FHIP1A: variants seen among roughly 807,000 people sequenced by gnomAD.
FHIP1A encodes FHF complex subunit HOOK interacting protein 1A, also known as FHF complex subunit HOOK-interacting protein 1A.
A neutral mutation model predicts 88.6 loss-of-function variants in FHIP1A; 61 were observed. The observed-to-expected ratio is 0.69, with a 90% CI of 0.56 to 0.85. The LOEUF is 0.85. Ranked by LOEUF, FHIP1A falls within the 40% of genes least tolerant of loss-of-function variation. The pLI is 0.00. For missense variants in FHIP1A, 1,154 were observed against 1,273.5 expected (o/e 0.91, Z 1.43); for synonymous variants, 478 against 496.0 (o/e 0.96, Z 0.48).
chr4:151,648,105 T>C (rs1736864809), intron 10 of FHIP1A, among the ~76,000 whole-genome samples: 1 of 152,170 alleles, frequency 6.6e-6, no homozygotes, highest in African/African-American at 2.4e-5. Flanking sequence ...GCCAGAGTAA[T>C]TACTGTCCGG....
intron 3 of FHIP1A, among the ~76,000 whole-genome samples, chr4:151,538,275 A>G (rs1283169446): frequency 6.6e-6 from 1 of 152,238 alleles, no homozygotes; most frequent in African/African-American, 2.4e-5. Flanking sequence ...TTGTAGAATG[A>G]GGATAATAAT....
At chr4:151,531,121 T>C (rs991667246) in intron 3 of FHIP1A, among the ~76,000 whole-genome samples, 1 of 152,088 alleles carries the variant, frequency 6.6e-6, no homozygotes, top group Non-Finnish European at 1.5e-5. Context: ...ATAATTATCA[T>C]GCTTCTAATG....
At chr4:151,454,081 T>C (rs1201760356) in intron 1 of FHIP1A, among the ~76,000 whole-genome samples, 1 of 152,182 alleles carries the variant, frequency 6.6e-6, no homozygotes, top group Non-Finnish European at 1.5e-5. Flanking sequence ...GGAATGTACA[T>C]AATATACATT....
At chr4:151,526,346 G>A (rs1477241299) in intron 3 of FHIP1A, among the ~76,000 whole-genome samples, 2 of 151,472 alleles carry the variant, frequency 1.3e-5, no homozygotes, top group Non-Finnish European at 2.9e-5. Flanking sequence ...GGGCAGAGGC[G>A]CCCCTCACCT....
chr4:151,545,279 C>T (rs1259284687), intron 3 of FHIP1A, among the ~76,000 whole-genome samples: 2 of 150,756 alleles, frequency 1.3e-5, no homozygotes, highest in East Asian at 1.9e-4. Context: ...CTAGTAGTTT[C>T]AAGGCAGAAC....
At chr4:151,526,856 C>T (rs1419417620) in intron 3 of FHIP1A, among the ~76,000 whole-genome samples, 31 of 150,000 alleles carry the variant, frequency 2.1e-4, no homozygotes, top group East Asian at 2.0e-4. Flanking sequence ...ATGGGGCGGC[C>T]GGGCAGAGAC....
intron 6 of FHIP1A, among the ~76,000 whole-genome samples, chr4:151,588,007 A>G (rs1469512375): frequency 2.0e-5 from 3 of 151,984 alleles, no homozygotes; most frequent in Non-Finnish European, 4.4e-5. Context: ...TTTTTACTTT[A>G]TTGTTTGACT....
chr4:151,602,081 C>T (rs1734894634), intron 7 of FHIP1A, among the ~76,000 whole-genome samples: 1 of 152,082 alleles, frequency 6.6e-6, no homozygotes, highest in Non-Finnish European at 1.5e-5. Flanking sequence ...TCATTTACCT[C>T]CCACTGTGTC....
At chr4:151,602,542 C>T (rs1335241472) in intron 7 of FHIP1A, among the ~76,000 whole-genome samples, 5 of 152,122 alleles carry the variant, frequency 3.3e-5, no homozygotes, top group East Asian at 1.9e-4. Context: ...GACATTGTGC[C>T]GAACCTTGAA....
At chr4:151,426,983 T>C (rs926302651) in intron 1 of FHIP1A, among the ~76,000 whole-genome samples, 1 of 152,134 alleles carries the variant, frequency 6.6e-6, no homozygotes, top group African/African-American at 2.4e-5. Context: ...AAAGAGCTAT[T>C]GTGTTATATC....
intron 2 of FHIP1A, among the ~76,000 whole-genome samples, chr4:151,481,637 G>A (rs1729899646): frequency 6.6e-6 from 1 of 151,992 alleles, no homozygotes; most frequent in African/African-American, 2.4e-5. Flanking sequence ...TACTCCATAG[G>A]CAGAGCAGCC....
chr4:151,460,301 TGG>T (rs1420746998), intron 2 of FHIP1A, among the ~76,000 whole-genome samples: 1 of 152,162 alleles, frequency 6.6e-6, no homozygotes, highest in Non-Finnish European at 1.5e-5. Context: ...TTATTTCCCA[TGG>T]CTGGACAAAA....
At chr4:151,558,614 G>A (rs1733050319) in intron 3 of FHIP1A, among the ~76,000 whole-genome samples, 1 of 152,152 alleles carries the variant, frequency 6.6e-6, no homozygotes, top group Non-Finnish European at 1.5e-5. Context: ...GTGAAGTTAT[G>A]GTAAGCTGAG....
At chr4:151,450,079 G>A (rs1728739357) in intron 1 of FHIP1A, among the ~76,000 whole-genome samples, 1 of 152,048 alleles carries the variant, frequency 6.6e-6, no homozygotes, top group Admixed American at 6.6e-5. Flanking sequence ...ATTGTCATGA[G>A]CACACATTTC....
intron 2 of FHIP1A, among the ~76,000 whole-genome samples, chr4:151,475,950 C>T (rs1729684002): frequency 6.6e-6 from 1 of 151,514 alleles, no homozygotes; most frequent in Non-Finnish European, 1.5e-5. Flanking sequence ...CAGCCTCCGC[C>T]TCCCGTGTTC....
At chr4:151,529,607 C>T (rs1560751070) in intron 3 of FHIP1A, among the ~76,000 whole-genome samples, 1 of 152,086 alleles carries the variant, frequency 6.6e-6, no homozygotes, top group Non-Finnish European at 1.5e-5. Flanking sequence ...TGTTTTGGTA[C>T]AGGAAATCAT....
At position 151,577,697 on chromosome 4, in the gene FHIP1A, A is replaced by G. The variant is rs768487408; in HGVS notation, c.353A>G (p.Gln118Arg). Residue 118 changes from glutamine to arginine, a missense_variant, in exon 5 of 14, where the codon CAG (glutamine) becomes CGG (arginine). Physicochemically the swap from Gln to Arg is conservative, Grantham distance 43. Transcript: ENST00000435205. The part of the protein sequence containing the change: ...REFTDETKIE[Q>R]LKMYEMLVTQ... Reference sequence around the variant, plus strand: ...TTTACTGATGAGACTAAAATTGAGCAGCTAAAGATGTATGAGATGTTGGTC... The same window carrying G: ...TTTACTGATGAGACTAAAATTGAGCGGCTAAAGATGTATGAGATGTTGGTC... The G allele has an allele frequency of 3.9e-6, 6 of 1,551,746 alleles. No individual in the cohort carries two copies. The highest frequency in any genetic ancestry group is 5.2e-6 in the Non-Finnish European group (6 of 1,146,984).
chr4:151,642,859 A>G (rs887048204), intron 9 of FHIP1A, among the ~76,000 whole-genome samples: 4 of 151,262 alleles, frequency 2.6e-5, no homozygotes, highest in Non-Finnish European at 4.4e-5. Flanking sequence ...GACAATATGT[A>G]TGATATATAT....
chr4:151,586,904 G>T, intron 6 of FHIP1A, 105 bp downstream of exon 6: 1 of 896,124 alleles, frequency 1.1e-6, no homozygotes. Context: ...GTTAATAAAT[G>T]TTTATGGAAT....
Sources: gnomAD v4.1 joint callset for allele counts (sites outside exome capture counted in the v4.1 genomes callset) on GRCh38, gnomAD v4.1.1 for gene constraint, MANE v1.5 for transcripts, NCBI Gene and HGNC (gene_info 2026-07-23, HGNC 2026-07-21) for gene names.